Variants in LY75 observed in about 807,000 individuals in gnomAD.
The protein encoded by LY75 is C-type lectin domain family 13 member B.
Under a neutral mutation model 231.7 loss-of-function variants are expected in LY75, and 185 were observed. The observed-to-expected ratio is 0.80, with a 90% confidence interval of 0.71 to 0.90. The LOEUF is 0.90. Among genes scored for constraint, LY75 ranks in the 40% least tolerant of loss-of-function variants. The probability of loss-of-function intolerance (pLI) is 0.00; values close to 1 mark genes in which losing one functional copy is unlikely to be tolerated. For missense variants in LY75, 1,947 were observed against 2,050.2 expected (o/e 0.95, Z 0.97); for synonymous variants, 668 against 689.0 (o/e 0.97, Z 0.48).
rs1365428257 is a variant in LY75 at position 159,816,921 on chromosome 2, C to G, written c.4265G>C (p.Cys1422Ser). The G allele has an allele frequency of 1.2e-6, 2 of 1,614,044 alleles. No homozygotes were observed. The highest frequency in any genetic ancestry group is 2.7e-5 in the African/African-American group (2 of 74,916). ...KVTWYEALNM[C>S]SQSGGHLASV... ...TGCCAAGTGACCTCCACTTTGAGAA[C>G]ACATGTTTAATGCTTCATACCATGT... is the stretch of plus-strand genomic sequence containing the variant. Residue 1422 changes from cysteine to serine, a missense_variant, in exon 30 of 35, where the codon TGT (cysteine) becomes TCT (serine). Coordinates refer to ENST00000263636, the MANE Select transcript of LY75 (RefSeq NM_002349.4).
rs776977197 is a variant in LY75, at chr2:159,805,094, C to T, written c.5119G>A (p.Ala1707Thr). ...ATCTCATCTTCATTCACTCCTTGTG[C>T]ATATCGAACTGATGAGAAACCCGCC... is the stretch of plus-strand genomic sequence containing the variant. The part of the protein sequence containing the change: ...HLAGFSSVRY[A>T]QGVNEDEIML... Residue 1707 changes from alanine (A) to threonine (T), a missense_variant, in exon 35 of 35, where the codon GCA becomes ACA. Physicochemically the swap from Ala to Thr is moderately conservative, Grantham distance 58. Coordinates refer to ENST00000263636, the MANE Select transcript of LY75 (RefSeq NM_002349.4). 3 of 1,614,090 alleles carry T rather than the reference C, an allele frequency of 1.9e-6. No individual in the cohort carries two copies. Among genetic ancestry groups the T allele is most frequent in the Non-Finnish European group, 2.5e-6 (3 of 1,179,970 alleles).
chr2:159,850,782 AT>A lies in LY75; in HGVS notation c.2884-316del, dbSNP rs1277719109. 2.9e-5 allele frequency among the ~76,000 whole-genome samples: 3 copies of A among 103,374 alleles called. 1 individual carries two copies. Among genetic ancestry groups the A allele is most frequent in the African/African-American group, 7.5e-5 (2 of 26,748 alleles). 67.8% of individuals were successfully genotyped at this position (103,374 alleles called of 152,430 possible). A position where few individuals can be genotyped will look rare whatever the true frequency, so the allele number is the denominator to read the frequency against. Reference sequence around the variant, plus strand: ...GCGGTCTTCAAACTTTCATATATATATATATATATATATATATTATATCTTA... The same window carrying A: ...GCGGTCTTCAAACTTTCATATATATAATATATATATATATATTATATCTTA... On this transcript the variant is annotated intron_variant, in intron 21 of 34. Coordinates refer to ENST00000263636, the MANE Select transcript of LY75 (RefSeq NM_002349.4).
chr2:159,842,198 T>TATATATATATATAC lies in LY75; in HGVS notation c.3280+46_3280+47insGTATATATATATAT, dbSNP rs774428351. The TATATATATATATAC allele has an allele frequency of 8.0e-4, 1,263 of 1,572,096 alleles. 33 individuals are homozygous for TATATATATATATAC. In the African/African-American group the frequency reaches 0.017, roughly 21 times the overall value. ...GACTCTCTCTCTCTCTATATATATA[T>TATATATATATATAC]ATGTAATAGCATAAAGTACCATAGT... On this transcript the variant is annotated intron_variant, in intron 24 of 34. Coordinates refer to ENST00000263636, the MANE Select transcript of LY75 (RefSeq NM_002349.4).
At chr2:159,827,954 CG>C (rs1474687536) in intron 28 of LY75, among the ~76,000 whole-genome samples, 1 of 151,358 alleles carries the variant, frequency 6.6e-6, no homozygotes, top group Non-Finnish European at 1.5e-5. Context: ...CTGGGCCTGT[CG>C]GGGGGTAGGG....
intron 8 of LY75, 89 bp downstream of exon 8, chr2:159,880,993 CT>C: frequency 6.8e-7 from 1 of 1,480,800 alleles, no homozygotes. Flanking sequence ...TATTTTCCAG[CT>C]TATACGCAAA....
In LY75 at chr2:159,881,230, T is replaced by G. The variant is rs746440312; in HGVS notation, c.1257A>C (p.Glu419Asp). The G allele has an allele frequency of 2.1e-5, 34 of 1,610,096 alleles. No homozygotes were observed. The highest frequency in any genetic ancestry group is 2.8e-5 in the Non-Finnish European group (33 of 1,178,512). ...VTKLHNEDIK[E>D]EVWIGLKNIN... ...TGTTCTTAAGGCCTATCCACACTTC[T>G]TCTTTGATATCTAAAAGAAAAATGT... The change falls in exon 8 of 35, where the codon GAA (glutamate) becomes GAC (aspartate). Residue 419 changes from glutamate (E) to aspartate (D), a missense_variant. Glu to Asp is a conservative substitution (Grantham distance 45). Transcript: ENST00000263636.
rs1352511046 is a variant in LY75 at position 159,874,949 on chromosome 2, A to G, written c.1974+495T>C. On this transcript the variant is annotated intron_variant, in intron 12 of 34. Transcript: ENST00000263636. ...TTATAAATATATATATTGTAAATAT[A>G]TTTATAAATATATTTATAATATATA... 2.9e-5 allele frequency among the ~76,000 whole-genome samples: 4 copies of G among 139,978 alleles called. No homozygotes were observed. The South Asian group carries it at 8.6e-4, about 30-fold the overall frequency. 91.8% of individuals were successfully genotyped at this position (139,978 alleles called of 152,430 possible).
chr2:159,846,383 T>C (rs1684203440), intron 23 of LY75, among the ~76,000 whole-genome samples: 1 of 152,014 alleles, frequency 6.6e-6, no homozygotes, highest in Admixed American at 6.6e-5. Flanking sequence ...AAAATGTAGC[T>C]GCGCATGGTG....
intron 4 of LY75, among the ~76,000 whole-genome samples, chr2:159,888,660 T>C (rs912192981): frequency 6.6e-5 from 10 of 152,194 alleles, no homozygotes; most frequent in Admixed American, 2.0e-4. Context: ...GTTTGCTTAA[T>C]ATATAGCAAT....
chr2:159,887,049 C>T (rs935761867), intron 4 of LY75, among the ~76,000 whole-genome samples: 2 of 150,942 alleles, frequency 1.3e-5, no homozygotes, highest in Non-Finnish European at 2.9e-5. Context: ...CCCATATGAT[C>T]AAGTTTTTCT....
chr2:159,851,111 T>C (rs1394376945), intron 21 of LY75, among the ~76,000 whole-genome samples: 1 of 151,962 alleles, frequency 6.6e-6, no homozygotes, highest in Non-Finnish European at 1.5e-5. Context: ...GAAAAATTCA[T>C]CTCTTTCTTG....
intron 13 of LY75, chr2:159,871,814 T>C (rs1490888010): frequency 6.6e-6 from 1 of 152,226 alleles, no homozygotes; most frequent in Non-Finnish European, 1.5e-5. Flanking sequence ...TATGTATATA[T>C]GCAGGTATAT....
chr2:159,828,831 C>G (rs1279004170), intron 28 of LY75, among the ~76,000 whole-genome samples: 1 of 152,178 alleles, frequency 6.6e-6, no homozygotes, highest in Non-Finnish European at 1.5e-5. Flanking sequence ...GAATAACGTA[C>G]TGATACATGC....
chr2:159,835,027 C>T (rs1000367707), intron 26 of LY75, among the ~76,000 whole-genome samples: 2 of 152,286 alleles, frequency 1.3e-5, no homozygotes, highest in Non-Finnish European at 2.9e-5. Flanking sequence ...CAACTCATCT[C>T]CAGTTATAGG....
intron 28 of LY75, among the ~76,000 whole-genome samples, chr2:159,822,551 AG>A (rs938111812): frequency 3.9e-5 from 6 of 152,218 alleles, no homozygotes; most frequent in Non-Finnish European, 7.3e-5. Context: ...CTTATAGCAG[AG>A]TTAAACATCC....
chr2:159,873,190 A>G (rs1228528744), intron 12 of LY75, among the ~76,000 whole-genome samples: 1 of 152,160 alleles, frequency 6.6e-6, no homozygotes, highest in African/African-American at 2.4e-5. Context: ...AGGAGGAGGC[A>G]GAGGAGGAAG....
chr2:159,878,139 T>C (rs1240368468), intron 11 of LY75, among the ~76,000 whole-genome samples, 185 bp downstream of exon 11: 1 of 152,208 alleles, frequency 6.6e-6, no homozygotes, highest in Non-Finnish European at 1.5e-5. Context: ...TTTCATTGGA[T>C]TATTCCCAAG....
At chr2:159,820,552 G>T (rs1683256142) in intron 28 of LY75, among the ~76,000 whole-genome samples, 2 of 152,048 alleles carry the variant, frequency 1.3e-5, no homozygotes, top group South Asian at 4.2e-4. Flanking sequence ...AGGGGATGAG[G>T]GATAAAAGAT....
intron 16 of LY75, among the ~76,000 whole-genome samples, chr2:159,855,617 C>T (rs1158287108): frequency 6.6e-6 from 1 of 152,148 alleles, no homozygotes; most frequent in Non-Finnish European, 1.5e-5. Context: ...CATGGTATTT[C>T]GGATGAGTGG....
Sources: gnomAD v4.1 joint callset for allele counts (sites outside exome capture counted in the v4.1 genomes callset) on GRCh38, gnomAD v4.1.1 for gene constraint, MANE v1.5 for transcripts, NCBI Gene and HGNC (gene_info 2026-07-23, HGNC 2026-07-21) for gene names.